The following SORCS1 variants were observed in gnomAD, a reference collection of about 807,000 sequenced individuals.
SORCS1 encodes sortilin related VPS10 domain containing receptor 1.
In SORCS1, 60 loss-of-function variants were observed where a neutral mutation model predicts 146.1. That is an observed-to-expected ratio of 0.41 (90% CI 0.33 to 0.51). The LOEUF is 0.51. Ranked by LOEUF, SORCS1 falls within the 20% of genes least tolerant of loss-of-function variation. The pLI is 0.21. For missense variants in SORCS1, 1,352 were observed against 1,487.6 expected (o/e 0.91, Z 1.50); for synonymous variants, 637 against 584.0 (o/e 1.09, Z -1.31).
At chr10:106,962,068 G>A (rs1205945492) in intron 1 of SORCS1, among the ~76,000 whole-genome samples, 2 of 152,158 alleles carry the variant, frequency 1.3e-5, no homozygotes, top group African/African-American at 2.4e-5. Context: ...AGGATACTTA[G>A]CCTGCCTACT....
intron 18 of SORCS1, among the ~76,000 whole-genome samples, chr10:106,644,038 A>G (rs995465640): frequency 6.6e-6 from 1 of 152,222 alleles, no homozygotes; most frequent in Non-Finnish European, 1.5e-5. Context: ...TTCACCTTGC[A>G]GGTAAACACA....
intron 2 of SORCS1, among the ~76,000 whole-genome samples, chr10:106,946,567 C>A (rs1954355826): frequency 6.6e-6 from 1 of 152,242 alleles, no homozygotes; most frequent in Non-Finnish European, 1.5e-5. Context: ...CATTTTACAC[C>A]ATGACTGTGG....
Position 106,669,407 on chromosome 10 carries a change from C to T in SORCS1, c.2190-1605G>A, listed in dbSNP as rs1287930035. On this transcript the variant is annotated intron_variant, in intron 16 of 25. Coordinates refer to ENST00000263054, the MANE Select transcript of SORCS1 (RefSeq NM_052918.5). ...GTTTTCTACCAGAGAATAAATTTGC[C>T]TCCTGCTAAAGAATGGCTGTTTCTT... 2.6e-5 allele frequency among the ~76,000 whole-genome samples: 4 copies of T among 151,910 alleles called. No homozygotes were observed. The East Asian group carries it at 5.8e-4, about 22-fold the overall frequency.
intron 18 of SORCS1, among the ~76,000 whole-genome samples, chr10:106,635,992 G>A (rs1848701343): frequency 6.6e-6 from 1 of 152,118 alleles, no homozygotes; most frequent in African/African-American, 2.4e-5. Flanking sequence ...GACAAGGAGT[G>A]GAAAAGGAAA....
At chr10:107,181,050 A>T in the SORCS1 span, among the ~76,000 whole-genome samples, 1 of 152,208 alleles carries the variant, frequency 6.6e-6, no homozygotes, top group African/African-American at 2.4e-5. Context: ...AGTAAAACTG[A>T]GTAGGGCACT....
At chr10:106,963,411 G>A (rs972866681) in intron 1 of SORCS1, among the ~76,000 whole-genome samples, 21 of 151,974 alleles carry the variant, frequency 1.4e-4, no homozygotes, top group African/African-American at 4.8e-4. Context: ...CACCGCACCC[G>A]GCCAGAAATT....
At chr10:107,019,176 G>A (rs1958026448) in intron 1 of SORCS1, among the ~76,000 whole-genome samples, 1 of 152,170 alleles carries the variant, frequency 6.6e-6, no homozygotes, top group Non-Finnish European at 1.5e-5. Flanking sequence ...GTAGATTGTA[G>A]ATCTAGCCTG....
At chr10:106,907,827 T>A (rs1023251219) in intron 2 of SORCS1, among the ~76,000 whole-genome samples, 1 of 151,396 alleles carries the variant, frequency 6.6e-6, no homozygotes, top group African/African-American at 2.4e-5. Context: ...CTTGGGAGGC[T>A]GAGGCAGGAG....
chr10:106,734,491 A>G (rs1419519686), intron 5 of SORCS1, among the ~76,000 whole-genome samples: 1 of 152,228 alleles, frequency 6.6e-6, no homozygotes, highest in Non-Finnish European at 1.5e-5. Context: ...TTATTGACAG[A>G]CAGACTCAAA....
intron 1 of SORCS1, among the ~76,000 whole-genome samples, chr10:107,158,396 T>C (rs1252600744): frequency 6.6e-6 from 1 of 152,254 alleles, no homozygotes; most frequent in East Asian, 1.9e-4. Context: ...ATCTCTTCCC[T>C]TGACCTTTGG....
At chr10:106,951,526 A>AC (rs943930542) in intron 2 of SORCS1, among the ~76,000 whole-genome samples, 2 of 151,704 alleles carry the variant, frequency 1.3e-5, no homozygotes, top group Non-Finnish European at 2.9e-5. Context: ...AAAAAAAAAA[A>AC]AAAACGGAAC....
chr10:106,625,413 C>T (rs781189916), intron 19 of SORCS1, among the ~76,000 whole-genome samples: 4 of 152,170 alleles, frequency 2.6e-5, no homozygotes, highest in Non-Finnish European at 1.5e-5. Context: ...AACAGAGTTT[C>T]TCAAATTTCA....
intron 1 of SORCS1, among the ~76,000 whole-genome samples, chr10:106,968,718 T>C (rs1955627897): frequency 6.6e-6 from 1 of 152,178 alleles, no homozygotes; most frequent in Non-Finnish European, 1.5e-5. Context: ...AATAAGAAAC[T>C]GGAATAAAAA....
At chr10:106,681,500 A>G (rs1396959142) in intron 10 of SORCS1, among the ~76,000 whole-genome samples, 1 of 152,230 alleles carries the variant, frequency 6.6e-6, no homozygotes, top group Non-Finnish European at 1.5e-5. Flanking sequence ...AATATCAAGT[A>G]ATGCTTTTTT....
chr10:106,665,579 T>C (rs1306148394), intron 17 of SORCS1, among the ~76,000 whole-genome samples: 1 of 152,116 alleles, frequency 6.6e-6, no homozygotes, highest in Non-Finnish European at 1.5e-5. Context: ...AGTAATGTAA[T>C]AAATTCCCAT....
intron 2 of SORCS1, among the ~76,000 whole-genome samples, chr10:106,938,136 G>C (rs1441054491): frequency 6.6e-6 from 1 of 152,104 alleles, no homozygotes; most frequent in East Asian, 1.9e-4. Flanking sequence ...AGAGGATGTA[G>C]AAACTAGGGC....
chr10:106,753,654 T>C (rs775799291), intron 5 of SORCS1, among the ~76,000 whole-genome samples: 2 of 151,640 alleles, frequency 1.3e-5, no homozygotes, highest in Non-Finnish European at 2.9e-5. Flanking sequence ...AGGAGAAAAT[T>C]TGGGGCAGCG....
In SORCS1 at chr10:107,122,443, T is replaced by A. The variant is rs113866804; in HGVS notation, c.558+41526A>T. ...TCTCTGATCACTTAACCAGGAAAGG[T>A]AAGGAAGAAGCTACTCAACCTAATT... On this transcript the variant is annotated intron_variant, in intron 1 of 25. Coordinates refer to ENST00000263054, the MANE Select transcript of SORCS1 (RefSeq NM_052918.5). Among the ~76,000 whole-genome samples, 868 of 152,252 alleles carry A rather than the reference T, an allele frequency of 5.7e-3. 8 individuals carry two copies. Among genetic ancestry groups the A allele is most frequent in the South Asian group, 0.029 (141 of 4,814 alleles).
chr10:107,064,287 T>A (rs763401908), intron 1 of SORCS1, among the ~76,000 whole-genome samples: 1 of 152,178 alleles, frequency 6.6e-6, no homozygotes, highest in Non-Finnish European at 1.5e-5. Context: ...TTATCCTTAT[T>A]TGTCCCGCCC....
Sources: gnomAD v4.1 joint callset for allele counts (sites outside exome capture counted in the v4.1 genomes callset) on GRCh38, gnomAD v4.1.1 for gene constraint, MANE v1.5 for transcripts, NCBI Gene and HGNC (gene_info 2026-07-23, HGNC 2026-07-21) for gene names.